The following MCHR2 variants were observed in gnomAD, a reference collection of about 807,000 sequenced individuals.
MCHR2 encodes melanin-concentrating hormone receptor 2.
MCHR2 carries 15 observed loss-of-function variants against 24.8 expected under a neutral mutation model. The observed-to-expected ratio is 0.60, with a 90% CI of 0.40 to 0.93. The LOEUF (loss-of-function observed/expected upper bound fraction) is 0.93, where lower values mean the gene tolerates loss of function less well. Among genes scored for constraint, MCHR2 ranks in the 40% least tolerant of loss-of-function variants. The pLI is 0.00. For missense variants in MCHR2, 386 were observed against 408.7 expected, an observed-to-expected ratio of 0.94 and a Z score of 0.48; for synonymous variants, 151 against 147.6, an observed-to-expected ratio of 1.02 and a Z score of -0.17.
intron 5 of MCHR2, among the ~76,000 whole-genome samples, chr6:99,922,018 T>A (rs1299316250): frequency 1.3e-5 from 2 of 152,350 alleles, no homozygotes; most frequent in East Asian, 1.9e-4. Context: ...TTTTTATCTA[T>A]TGATCTGTTG....
chr6:99,931,939 T>C (rs1774554044), intron 5 of MCHR2, among the ~76,000 whole-genome samples: 1 of 152,178 alleles, frequency 6.6e-6, no homozygotes, highest in South Asian at 2.1e-4. Context: ...TCGCTCACGC[T>C]GGGAGCTGTA....
chr6:99,947,794 A>C lies in MCHR2; in HGVS notation c.360T>G (p.Cys120Trp). 1 of 1,613,794 alleles carries C rather than the reference A, an allele frequency of 6.2e-7. No homozygotes were observed. Among genetic ancestry groups the C allele is most frequent in the Non-Finnish European group, 8.5e-7 (1 of 1,179,764 alleles). ...TSLDTCNQFA[C>W]SAIMTVMSVD... ...CACTCATTACAGTCATGATGGCACTACAGGCAAATTGGTTACAAGTATCCA... is the reference window on the plus strand; with the variant it reads ...CACTCATTACAGTCATGATGGCACTCCAGGCAAATTGGTTACAAGTATCCA... The change falls in exon 3 of 6, where the codon TGT (cysteine) becomes TGG (tryptophan). Residue 120 changes from cysteine to tryptophan, a missense_variant. By Grantham distance (215) the Cys-to-Trp change is radical. Transcript: ENST00000281806.
intron 5 of MCHR2, among the ~76,000 whole-genome samples, chr6:99,921,513 T>C (rs1326815153): frequency 6.6e-6 from 1 of 152,210 alleles, no homozygotes; most frequent in Non-Finnish European, 1.5e-5. Context: ...AGTAGGTGTA[T>C]ATATTTATGG....
intron 2 of MCHR2, 88 bp downstream of exon 2, chr6:99,955,878 C>T: frequency 9.2e-7 from 1 of 1,084,256 alleles, no homozygotes; most frequent in South Asian, 2.5e-5. Flanking sequence ...AAGCAAAATG[C>T]TACAGGGGAA....
intron 5 of MCHR2, among the ~76,000 whole-genome samples, chr6:99,921,643 T>C (rs1022123918): frequency 3.3e-5 from 5 of 152,204 alleles, no homozygotes; most frequent in African/African-American, 9.6e-5. Flanking sequence ...TATACTCTTT[T>C]AGTTATTTTT....
At chr6:99,989,418 T>A (rs1387762724) in intron 1 of MCHR2, among the ~76,000 whole-genome samples, 2 of 152,186 alleles carry the variant, frequency 1.3e-5, no homozygotes. Flanking sequence ...CACAGTCAGA[T>A]CAAAGGTAAA....
chr6:99,925,424 C>T (rs933519931), intron 5 of MCHR2, among the ~76,000 whole-genome samples: 10 of 152,058 alleles, frequency 6.6e-5, no homozygotes, highest in African/African-American at 2.4e-4. Context: ...CAAGGACTTA[C>T]TCCTGCCATT....
intron 1 of MCHR2, among the ~76,000 whole-genome samples, chr6:99,970,866 G>A (rs1466566192): frequency 6.6e-6 from 1 of 152,130 alleles, no homozygotes; most frequent in Non-Finnish European, 1.5e-5. Context: ...AAAATCAGAT[G>A]GTTGTAGATA....
chr6:99,920,840 CAAG>C lies in MCHR2; in HGVS notation c.*97_*99del. The C allele has an allele frequency of 8.4e-7, 1 of 1,184,430 alleles. No homozygotes were observed. 73.4% of individuals were successfully genotyped at this position (1,184,430 alleles called of 1,614,324 possible). A position where few individuals can be genotyped will look rare whatever the true frequency, so the allele number is the denominator to read the frequency against. ...CATGCTGCTAAGAGTCACAAGTACA[CAAG>C]AAGAATGGGCATAAACATATCGGTA... On this transcript the variant is annotated 3_prime_UTR_variant, in exon 6 of 6. Coordinates refer to ENST00000281806, the MANE Select transcript of MCHR2 (RefSeq NM_001040179.2).
intron 1 of MCHR2, among the ~76,000 whole-genome samples, chr6:99,976,242 A>C (rs895939132): frequency 2.0e-5 from 3 of 152,248 alleles, no homozygotes; most frequent in Non-Finnish European, 4.4e-5. Context: ...ATCTTTAATT[A>C]TCTCTTCAAA....
intron 1 of MCHR2, among the ~76,000 whole-genome samples, chr6:99,963,160 GA>G (rs1775230245): frequency 6.6e-6 from 1 of 152,070 alleles, no homozygotes; most frequent in Non-Finnish European, 1.5e-5. Flanking sequence ...TGAGGATGTG[GA>G]AAAGTTGGAA....
chr6:99,920,806 C>T lies in MCHR2; in HGVS notation c.*134G>A, dbSNP rs1381547760. ...AGCTCATTGTATTTGCATGGTTACA[C>T]TTCTCTTCCATGCTGCTAAGAGTCA... On this transcript the variant is annotated 3_prime_UTR_variant, in exon 6 of 6. Coordinates refer to ENST00000281806, the MANE Select transcript of MCHR2 (RefSeq NM_001040179.2). 1.2e-5 allele frequency: 10 copies of T among 845,232 alleles called. No individual in the cohort carries two copies. Among genetic ancestry groups the T allele is most frequent in the African/African-American group, 3.4e-5 (2 of 58,866 alleles). The allele number at this position is 845,232 out of a possible 1,614,324, so 52.4% of individuals were successfully genotyped here.
chr6:99,940,827 G>C (rs774313639), intron 4 of MCHR2, among the ~76,000 whole-genome samples: 2 of 152,260 alleles, frequency 1.3e-5, no homozygotes, highest in East Asian at 1.9e-4. Flanking sequence ...CTGAATGGGG[G>C]AAGTCCCAAA....
chr6:99,964,687 T>C (rs1775259683), intron 1 of MCHR2, among the ~76,000 whole-genome samples: 1 of 152,108 alleles, frequency 6.6e-6, no homozygotes, highest in South Asian at 2.1e-4. Context: ...TTATGGAGAT[T>C]ACAATTCAAG....
chr6:99,927,972 T>A (rs7450546), intron 5 of MCHR2, among the ~76,000 whole-genome samples: 1 of 152,156 alleles, frequency 6.6e-6, no homozygotes, highest in Non-Finnish European at 1.5e-5. Flanking sequence ...TGGCTGTGGG[T>A]TTGTCATAGA....
intron 1 of MCHR2, among the ~76,000 whole-genome samples, chr6:99,993,060 C>T (rs1360549439): frequency 6.6e-6 from 1 of 152,194 alleles, no homozygotes. Flanking sequence ...ATTAGAACTG[C>T]GCATTCCTCA....
At chr6:99,966,731 T>C (rs1775302024) in intron 1 of MCHR2, among the ~76,000 whole-genome samples, 1 of 152,182 alleles carries the variant, frequency 6.6e-6, no homozygotes, top group Non-Finnish European at 1.5e-5. Flanking sequence ...GTTTAAGCAT[T>C]AGTATTTAAA....
intron 2 of MCHR2, among the ~76,000 whole-genome samples, chr6:99,952,284 C>T (rs940521834): frequency 5.3e-5 from 8 of 152,082 alleles, no homozygotes; most frequent in Non-Finnish European, 1.0e-4. Flanking sequence ...TAGTCACCCT[C>T]CTAATGCACA....
chr6:99,972,552 T>C (rs1775448966), intron 1 of MCHR2, among the ~76,000 whole-genome samples: 1 of 152,230 alleles, frequency 6.6e-6, no homozygotes, highest in Admixed American at 6.5e-5. Flanking sequence ...TTTTTGGGTC[T>C]CTATTTCCTT....
Sources: allele counts gnomAD v4.1 joint callset (sites outside exome capture counted in the v4.1 genomes callset), GRCh38; gene constraint gnomAD v4.1.1; transcripts MANE v1.5; gene names NCBI Gene and HGNC (gene_info 2026-07-23, HGNC 2026-07-21).